The following EP300 variants were observed in gnomAD, a reference collection of about 807,000 sequenced individuals.
EP300 encodes the protein EP300 lysine acetyltransferase.
A neutral mutation model predicts 264.0 loss-of-function variants in EP300; 31 were observed. That is an observed-to-expected ratio of 0.12 (90% CI 0.09 to 0.16). EP300 has a LOEUF of 0.16. Among genes scored for constraint, EP300 ranks in the 10% least tolerant of loss-of-function variants. The pLI is 1.00. For synonymous variants in EP300, 1,340 were observed against 1,045.4 expected, an observed-to-expected ratio of 1.28 and a Z score of -5.44; for missense variants, 2,766 against 3,052.9, an observed-to-expected ratio of 0.91 and a Z score of 2.21.
At chr22:41,163,136 A>T (rs2059116383) in intron 21 of EP300, among the ~76,000 whole-genome samples, 1 of 152,152 alleles carries the variant, frequency 6.6e-6, no homozygotes, top group Admixed American at 6.6e-5. Flanking sequence ...AATCTGTCTT[A>T]AAAATTAGCC....
chr22:41,169,093 A>G lies in EP300; in HGVS notation c.4172+226A>G, dbSNP rs995491555. 55 of 624,732 alleles carry G rather than the reference A, an allele frequency of 8.8e-5. No homozygotes were observed. The African/African-American group carries it at 9.4e-4, about 11-fold the overall frequency. 38.7% of individuals were successfully genotyped at this position (624,732 alleles called of 1,614,324 possible). On this transcript the variant is annotated intron_variant, in intron 25 of 30. Transcript: ENST00000263253. ...GGTCATAGTAATAAAGGATATGAAT[A>G]GCAACCTGAAATTGGAATTTGAAAA...
At position 41,094,702 on chromosome 22, in the gene EP300, G is replaced by A. The variant is rs372619165; in HGVS notation, c.94+1604G>A. Among the ~76,000 whole-genome samples, 42 of 152,238 alleles carry A rather than the reference G, an allele frequency of 2.8e-4. No individual in the cohort carries two copies. In the South Asian group the frequency reaches 8.1e-3, roughly 29 times the overall value. ...ACTTAATCACCTGTAGATTTTTGTG[G>A]TGTTTCTTTCGTATTTGTGTAATGT... On this transcript the variant is annotated intron_variant, in intron 1 of 30. Coordinates refer to ENST00000263253, the MANE Select transcript of EP300 (RefSeq NM_001429.4).
At chr22:41,155,982 A>G (rs1043377018) in intron 17 of EP300, among the ~76,000 whole-genome samples, 4 of 152,006 alleles carry the variant, frequency 2.6e-5, no homozygotes, top group Non-Finnish European at 5.9e-5. Context: ...CCTGGGTTAT[A>G]TAGTTTGTTT....
intron 1 of EP300, among the ~76,000 whole-genome samples, chr22:41,097,960 C>G (rs944465717): frequency 3.3e-5 from 5 of 151,890 alleles, no homozygotes; most frequent in South Asian, 4.1e-4. Flanking sequence ...TCCCAAAGTG[C>G]TGGGATTACA....
intron 2 of EP300, 25 bp from the exon 3 acceptor site, chr22:41,125,839 G>C (rs755742442): frequency 1.9e-6 from 3 of 1,608,508 alleles, no homozygotes; most frequent in Non-Finnish European, 2.5e-6. Flanking sequence ...TGCTTATTTT[G>C]TTTTCTTTTG....
chr22:41,158,196 A>G (rs1283712440), intron 18 of EP300, among the ~76,000 whole-genome samples: 3 of 152,218 alleles, frequency 2.0e-5, no homozygotes, highest in Non-Finnish European at 1.5e-5. Flanking sequence ...GTTCTTTGGT[A>G]AAGTGATGGA....
At chr22:41,144,019 C>T (rs778421256) in intron 10 of EP300, among the ~76,000 whole-genome samples, 9 of 152,022 alleles carry the variant, frequency 5.9e-5, no homozygotes, top group African/African-American at 1.4e-4. Context: ...AAAATAATCC[C>T]GGTTGTTAAT....
intron 24 of EP300, 25 bp downstream of exon 24, chr22:41,168,624 C>T (rs769857442): frequency 1.7e-5 from 27 of 1,613,034 alleles, no homozygotes; most frequent in East Asian, 2.2e-5. Context: ...CACTTTTCTT[C>T]TCCTCGTGGA....
chr22:41,170,518 T>A lies in EP300; in HGVS notation c.4399T>A (p.Tyr1467Asn), dbSNP rs200897987. Residue 1467 changes from tyrosine (Y) to asparagine (N), a missense_variant, in exon 27 of 31, where the codon TAC becomes AAC. Tyr to Asn is a moderately radical substitution (Grantham distance 143). Transcript: ENST00000263253. Reference protein sequence around the residue: ...IPKPKRLQEWYKKMLDKAVSE... With the variant: ...IPKPKRLQEWNKKMLDKAVSE... The stretch of plus-strand genomic sequence containing the variant: ...CAAGCCCAAGCGACTGCAGGAATGG[T>A]ACAAAAAAATGCTTGACAAGGCTGT... 1 of 1,614,012 alleles carries A rather than the reference T, an allele frequency of 6.2e-7. No individual in the cohort carries two copies. Among genetic ancestry groups the A allele is most frequent in the East Asian group, 2.2e-5 (1 of 44,876 alleles).
chr22:41,150,260 C>A (rs761101603), intron 14 of EP300, 62 bp downstream of exon 14: 64 of 1,502,334 alleles, frequency 4.3e-5, no homozygotes, highest in Non-Finnish European at 5.6e-5. Context: ...TATATTACTT[C>A]TGGGCCATTT....
At position 41,121,184 on chromosome 22, in the gene EP300, G is replaced by A. The variant is rs545641879; in HGVS notation, c.729+3363G>A. On this transcript the variant is annotated intron_variant, in intron 2 of 30. Transcript: ENST00000263253. ...CTTTTTTTTCAAAAAAGAAAGAATA[G>A]TTGTCTGCAGGACGCATTTCTTGTA... Among the ~76,000 whole-genome samples the A allele has an allele frequency of 6.0e-4, 91 of 151,754 alleles. 1 individual carries two copies. Among genetic ancestry groups the A allele is most frequent in the South Asian group, 2.7e-3 (13 of 4,784 alleles).
intron 27 of EP300, among the ~76,000 whole-genome samples, chr22:41,171,549 C>T (rs373476354): frequency 9.3e-4 from 141 of 152,152 alleles, no homozygotes; most frequent in African/African-American, 3.3e-3. Flanking sequence ...GTTGCCCAGG[C>T]TGGTCTCAAA....
rs539474813 is a variant in EP300 at position 41,137,218 on chromosome 22, G to A, written c.1623-435G>A. Among the ~76,000 whole-genome samples, 311 of 149,992 alleles carry A rather than the reference G, an allele frequency of 2.1e-3. 1 individual carries two copies. Among genetic ancestry groups the A allele is most frequent in the Non-Finnish European group, 3.1e-3 (209 of 67,470 alleles). On this transcript the variant is annotated intron_variant, in intron 7 of 30. Coordinates refer to ENST00000263253, the MANE Select transcript of EP300 (RefSeq NM_001429.4). ...TACTAAAATACAAAATTAGCCGGAC[G>A]TGGTGGCGGGTGCCTGTAATCCCAC...
At chr22:41,145,662 C>T (rs969602503) in intron 10 of EP300, among the ~76,000 whole-genome samples, 6 of 152,198 alleles carry the variant, frequency 3.9e-5, no homozygotes, top group African/African-American at 1.4e-4. Flanking sequence ...CTCGCTCTGT[C>T]GCCCAGGCTG....
At chr22:41,149,471 A>T (rs2059030619) in intron 13 of EP300, among the ~76,000 whole-genome samples, 2 of 152,196 alleles carry the variant, frequency 1.3e-5, no homozygotes, top group African/African-American at 4.8e-5. Context: ...AATCTGGCTG[A>T]AAAGAGCATA....
chr22:41,095,671 G>C (rs2058698420), intron 1 of EP300, among the ~76,000 whole-genome samples: 1 of 151,804 alleles, frequency 6.6e-6, no homozygotes, highest in Admixed American at 6.6e-5. Context: ...GTTGTCACTT[G>C]GGTATTTTAT....
chr22:41,102,231 A>T (rs2058735988), intron 1 of EP300, among the ~76,000 whole-genome samples: 1 of 151,946 alleles, frequency 6.6e-6, no homozygotes, highest in Non-Finnish European at 1.5e-5. Flanking sequence ...TGGAGTTTAT[A>T]GATAAGGGAA....
At chr22:41,147,183 G>T (rs1198627504) in intron 11 of EP300, among the ~76,000 whole-genome samples, 1 of 152,008 alleles carries the variant, frequency 6.6e-6, no homozygotes, top group Non-Finnish European at 1.5e-5. Flanking sequence ...GCACGGGCCT[G>T]TAATCCCATT....
At chr22:41,152,542 C>T (rs762239148) in intron 16 of EP300, among the ~76,000 whole-genome samples, 192 bp downstream of exon 16, 1 of 150,920 alleles carries the variant, frequency 6.6e-6, no homozygotes, top group East Asian at 1.9e-4. Flanking sequence ...TATTCACTTG[C>T]AGCAACCAAT....
Sources: allele counts gnomAD v4.1 joint callset (sites outside exome capture counted in the v4.1 genomes callset), GRCh38; gene constraint gnomAD v4.1.1; transcripts MANE v1.5; gene names NCBI Gene and HGNC (gene_info 2026-07-23, HGNC 2026-07-21).